The following MBD3L1 variants were observed in gnomAD, a reference collection of about 807,000 sequenced individuals.
The protein encoded by MBD3L1 is methyl-CpG binding domain protein 3 like 1.
For missense variants in MBD3L1, 203 were observed against 230.1 expected (o/e 0.88, Z 0.76); for synonymous variants, 84 against 85.1 (o/e 0.99, Z 0.07).
chr19:8,840,492 T>G (rs1249990887), intron 1 of MBD3L1, among the ~76,000 whole-genome samples: 1 of 152,120 alleles, frequency 6.6e-6, no homozygotes, highest in African/African-American at 2.4e-5. Flanking sequence ...TTAGTAGAGA[T>G]GGGGGTCCCC....
At chr19:8,840,199 A>AT (rs1568484482) in intron 1 of MBD3L1, among the ~76,000 whole-genome samples, 2 of 151,664 alleles carry the variant, frequency 1.3e-5, no homozygotes, top group East Asian at 3.9e-4. Flanking sequence ...AAAAAAAAAA[A>AT]CAAAAACAGA....
chr19:8,833,593 G>A (rs2044413902), intron 1 of MBD3L1: 1 of 152,170 alleles, frequency 6.6e-6, no homozygotes, highest in African/African-American at 2.4e-5. Context: ...ATAGGTAAAC[G>A]TCCTTGCCCT....
chr19:8,842,586 G>C, intron 2 of MBD3L1, 72 bp from the exon 3 acceptor site: 1 of 1,115,804 alleles, frequency 9.0e-7, no homozygotes. Flanking sequence ...GTCCAGAACA[G>C]CTGAGATCCT....
intron 1 of MBD3L1, among the ~76,000 whole-genome samples, chr19:8,834,612 AAAAAC>A (rs894350908): frequency 5.9e-5 from 9 of 151,584 alleles, no homozygotes; most frequent in Admixed American, 5.3e-4. Flanking sequence ...ATCAAAAAAA[AAAAAC>A]AAACCAAAAC....
intron 1 of MBD3L1, among the ~76,000 whole-genome samples, chr19:8,838,681 A>G (rs1419995502): frequency 2.0e-5 from 3 of 152,240 alleles, no homozygotes; most frequent in Non-Finnish European, 4.4e-5. Context: ...TGGGGCTGGC[A>G]TTGTTGGTGG....
chr19:8,839,185 CTT>C (rs57499698), intron 1 of MBD3L1, among the ~76,000 whole-genome samples: 2 of 122,104 alleles, frequency 1.6e-5, no homozygotes, highest in Non-Finnish European at 3.2e-5. Flanking sequence ...CTTTTCTTTT[CTT>C]TTTTTTTTTT....
intron 2 of MBD3L1, 63 bp from the exon 3 acceptor site, chr19:8,842,595 C>T (rs2044524425): frequency 8.2e-7 from 1 of 1,219,072 alleles, no homozygotes; most frequent in Admixed American, 2.1e-5. Flanking sequence ...AGCTGAGATC[C>T]TTGTCCTGAG....
Position 8,842,934 on chromosome 19 carries a change from ACT to A in MBD3L1, c.257_258del (p.Thr86IlefsTer13). 1 of 1,614,222 alleles carries A rather than the reference ACT, an allele frequency of 6.2e-7. No homozygotes were observed. The highest frequency in any genetic ancestry group is 8.5e-7 in the Non-Finnish European group (1 of 1,180,032). On this transcript the variant is annotated frameshift_variant, in exon 3 of 3. Transcript: ENST00000595891. LOFTEE classifies it low-confidence loss of function (END_TRUNC). ...AYSSAGELSS[T>X]LDLANTLQKL... Reference sequence around the variant, plus strand: ...CAGCAGTGCAGGAGAACTTTCAAGCACTTTGGATCTTGCCAATACCTTGCAAA... The same window carrying A: ...CAGCAGTGCAGGAGAACTTTCAAGCATTGGATCTTGCCAATACCTTGCAAA...
At chr19:8,833,683 G>C (rs1485363048) in intron 1 of MBD3L1, 3 of 152,220 alleles carry the variant, frequency 2.0e-5, no homozygotes, top group Non-Finnish European at 4.4e-5. Flanking sequence ...TGGTGGGTTG[G>C]TGCGTTAGAT....
At chr19:8,842,616 T>C in intron 2 of MBD3L1, 42 bp from the exon 3 acceptor site, 2 of 1,398,976 alleles carry the variant, frequency 1.4e-6, no homozygotes, top group Non-Finnish European at 2.0e-6. Context: ...AAGGCAGGCT[T>C]CATTGATCAA....
chr19:8,842,707 G>A lies in MBD3L1; in HGVS notation c.29G>A (p.Arg10His), dbSNP rs117952868. Residue 10 changes from arginine (R) to histidine (H), a missense_variant, in exon 3 of 3, where the codon CGT (arginine) becomes CAT (histidine). Coordinates refer to ENST00000595891, the MANE Select transcript of MBD3L1 (RefSeq NM_001393532.1). Reference protein sequence around the residue: MAKSSQRKQRDCVNQCKSKP... With the variant: MAKSSQRKQHDCVNQCKSKP... ...GCCAAGAGTTCACAGAGGAAGCAAC[G>A]TGACTGTGTAAACCAATGCAAATCA... The A allele has an allele frequency of 5.6e-6, 9 of 1,614,032 alleles. No homozygotes were observed. The highest frequency in any genetic ancestry group is 5.3e-5 in the African/African-American group (4 of 74,932).
intron 1 of MBD3L1, among the ~76,000 whole-genome samples, chr19:8,839,180 C>G (rs1425492995): frequency 1.6e-5 from 1 of 61,966 alleles, no homozygotes; most frequent in Non-Finnish European, 3.1e-5. Flanking sequence ...TTTTTCTTTT[C>G]TTTTCTTTTT....
At chr19:8,835,984 T>A (rs2044451206) in intron 1 of MBD3L1, among the ~76,000 whole-genome samples, 1 of 152,128 alleles carries the variant, frequency 6.6e-6, no homozygotes, top group African/African-American at 2.4e-5. Flanking sequence ...GACAATAGAT[T>A]AGTGGCAAAT....
chr19:8,843,305 CT>C lies in MBD3L1; in HGVS notation c.*45del, dbSNP rs776562137. 3 of 1,409,560 alleles carry C rather than the reference CT, an allele frequency of 2.1e-6. No individual in the cohort carries two copies. The highest frequency in any genetic ancestry group is 2.8e-6 in the Non-Finnish European group (3 of 1,058,382). The allele number at this position is 1,409,560 out of a possible 1,614,324, so 87.3% of individuals were successfully genotyped here. ...AGTGCAGATGAAATAAAGTGTAATC[CT>C]TTATTAACATCTCTTTGCAGTGTCC... On this transcript the variant is annotated 3_prime_UTR_variant, in exon 3 of 3. Transcript: ENST00000595891.
intron 1 of MBD3L1, among the ~76,000 whole-genome samples, chr19:8,837,852 G>A (rs533312627): frequency 6.1e-4 from 93 of 152,206 alleles, no homozygotes; most frequent in Non-Finnish European, 1.2e-3. Context: ...AGGAAGAGAA[G>A]GAGGTAAAGA....
At chr19:8,833,296 AG>A (rs1568481835) in intron 1 of MBD3L1, 2 of 152,218 alleles carry the variant, frequency 1.3e-5, no homozygotes, top group Non-Finnish European at 2.9e-5. Context: ...GGCAGAACAT[AG>A]TGATTTAACA....
chr19:8,839,139 G>A (rs986158594), intron 1 of MBD3L1, among the ~76,000 whole-genome samples: 10 of 151,076 alleles, frequency 6.6e-5, no homozygotes, highest in Non-Finnish European at 1.2e-4. Flanking sequence ...AATGTTATCA[G>A]ATGTACTTGC....
At chr19:8,832,724 G>C (rs1261222020) in intron 1 of MBD3L1, among the ~76,000 whole-genome samples, 1 of 151,748 alleles carries the variant, frequency 6.6e-6, no homozygotes, top group Non-Finnish European at 1.5e-5. Flanking sequence ...TTCTCGGGGC[G>C]GATGGTATAA....
intron 2 of MBD3L1, among the ~76,000 whole-genome samples, chr19:8,841,994 A>G (rs2044517067): frequency 6.6e-6 from 1 of 152,134 alleles, no homozygotes; most frequent in Non-Finnish European, 1.5e-5. Context: ...CCAAGAGGTC[A>G]ATGTGTTAAA....
Sources: allele counts gnomAD v4.1 joint callset (sites outside exome capture counted in the v4.1 genomes callset), GRCh38; gene constraint gnomAD v4.1.1; transcripts MANE v1.5; gene names NCBI Gene and HGNC (gene_info 2026-07-23, HGNC 2026-07-21).